The following PDE10A variants were observed in gnomAD, a reference collection of about 807,000 sequenced individuals.
PDE10A encodes cAMP and cAMP-inhibited cGMP 3',5'-cyclic phosphodiesterase 10A.
Under a neutral mutation model 97.7 loss-of-function variants are expected in PDE10A, and 39 were observed. That is an observed-to-expected ratio of 0.40 (90% CI 0.31 to 0.52). The LOEUF (loss-of-function observed/expected upper bound fraction) is 0.52, where lower values mean the gene tolerates loss of function less well. Among genes scored for constraint, PDE10A ranks in the 20% least tolerant of loss-of-function variants. The pLI, the probability that PDE10A is intolerant of heterozygous loss-of-function variation, is 0.56. For missense variants in PDE10A, 731 were observed against 1,047.8 expected, an observed-to-expected ratio of 0.70 and a Z score of 4.17; for synonymous variants, 371 against 376.8, an observed-to-expected ratio of 0.98 and a Z score of 0.18.
chr6:165,822,143 T>C (rs181314503), intron 1 of PDE10A, among the ~76,000 whole-genome samples: 5 of 152,340 alleles, frequency 3.3e-5, no homozygotes, highest in African/African-American at 1.2e-4. Flanking sequence ...CTGAGAAATG[T>C]GTCCTTTGGC....
At chr6:165,745,202 T>C (rs969051303) in intron 1 of PDE10A, among the ~76,000 whole-genome samples, 5 of 152,218 alleles carry the variant, frequency 3.3e-5, no homozygotes, top group Admixed American at 3.3e-4. Context: ...AGCTGCTTTA[T>C]GTGATGTGTC....
intron 2 of PDE10A, among the ~76,000 whole-genome samples, chr6:165,485,197 C>T (rs1463747645): frequency 2.0e-5 from 3 of 152,230 alleles, no homozygotes; most frequent in Admixed American, 1.3e-4. Context: ...CCTGGCTGGA[C>T]GCGGTGGCTC....
At chr6:165,503,759 T>G (rs1781034533) in intron 2 of PDE10A, among the ~76,000 whole-genome samples, 1 of 152,142 alleles carries the variant, frequency 6.6e-6, no homozygotes, top group Admixed American at 6.6e-5. Flanking sequence ...GTTTTAGATA[T>G]TTACCTAAGA....
At chr6:165,503,815 C>T (rs1388018759) in intron 2 of PDE10A, among the ~76,000 whole-genome samples, 1 of 148,684 alleles carries the variant, frequency 6.7e-6, no homozygotes, top group Non-Finnish European at 1.5e-5. Flanking sequence ...GAAATTAATG[C>T]AAAAAAAAAT....
Position 165,383,603 on chromosome 6 carries a change from G to A in PDE10A, c.2611-4237C>T, listed in dbSNP as rs181282835. ...CCACTCTGCATCTTCCCCTCCCCATGCTCTACCTTCACACTTCCACTTGTG... is the reference window on the plus strand; with the variant it reads ...CCACTCTGCATCTTCCCCTCCCCATACTCTACCTTCACACTTCCACTTGTG... On this transcript the variant is annotated intron_variant, in intron 17 of 21. Coordinates refer to ENST00000539869, the MANE Select transcript of PDE10A (RefSeq NM_001385079.1). Among the ~76,000 whole-genome samples the A allele has an allele frequency of 1.1e-4, 17 of 152,030 alleles. No individual in the cohort carries two copies. The East Asian group carries it at 2.7e-3, about 24-fold the overall frequency.
intron 21 of PDE10A, among the ~76,000 whole-genome samples, chr6:165,334,506 C>G (rs1170406740): frequency 6.6e-6 from 1 of 152,258 alleles, no homozygotes; most frequent in Non-Finnish European, 1.5e-5. Flanking sequence ...GCACTCATGA[C>G]CTGGCTTCCA....
intron 1 of PDE10A, among the ~76,000 whole-genome samples, chr6:165,685,064 A>T (rs967010229): frequency 6.6e-6 from 1 of 152,192 alleles, no homozygotes; most frequent in Non-Finnish European, 1.5e-5. Context: ...AAATAGACTT[A>T]AAAAATCGCT....
intron 1 of PDE10A, among the ~76,000 whole-genome samples, chr6:165,850,675 G>C (rs1780550259): frequency 6.6e-6 from 1 of 152,266 alleles, no homozygotes; most frequent in Admixed American, 6.5e-5. Context: ...GCAGCGCTCA[G>C]ACTTCCCTAA....
chr6:165,737,285 T>A (rs777292723), intron 1 of PDE10A, among the ~76,000 whole-genome samples: 25 of 152,234 alleles, frequency 1.6e-4, no homozygotes, highest in Non-Finnish European at 3.7e-4. Flanking sequence ...TCCAAACTCA[T>A]TTTATGAAGC....
At chr6:165,490,014 A>C (rs529896755) in intron 2 of PDE10A, among the ~76,000 whole-genome samples, 1 of 152,376 alleles carries the variant, frequency 6.6e-6, no homozygotes, top group Non-Finnish European at 1.5e-5. Context: ...AGTTTGGAAA[A>C]CATATTTGAG....
intron 9 of PDE10A, 64 bp from the exon 10 acceptor site, chr6:165,428,773 G>A: frequency 1.7e-6 from 1 of 600,630 alleles, no homozygotes; most frequent in East Asian, 3.1e-5. Context: ...ATTACACTTT[G>A]AATTCATTTC....
intron 19 of PDE10A, 92 bp downstream of exon 19, chr6:165,343,299 A>G: frequency 1.1e-6 from 1 of 879,228 alleles, no homozygotes; most frequent in Non-Finnish European, 1.9e-6. Context: ...TGAAATAACT[A>G]TCAACATGAA....
chr6:165,540,571 T>C (rs1211265791), intron 2 of PDE10A, among the ~76,000 whole-genome samples: 1 of 152,150 alleles, frequency 6.6e-6, no homozygotes, highest in African/African-American at 2.4e-5. Context: ...CCACAAAAAT[T>C]TTCTTCCTCA....
chr6:165,512,904 T>C (rs1304434233), intron 2 of PDE10A, among the ~76,000 whole-genome samples: 1 of 152,030 alleles, frequency 6.6e-6, no homozygotes, highest in Non-Finnish European at 1.5e-5. Context: ...TCATTGCATT[T>C]CCATAGTAAC....
intron 3 of PDE10A, among the ~76,000 whole-genome samples, chr6:165,458,447 C>T (rs74733836): frequency 0.1 from 15,285 of 152,116 alleles, 924 homozygotes; most frequent in Middle Eastern, 0.19. Flanking sequence ...GGAAGAGGGT[C>T]CTCAGCAGAC....
chr6:165,619,330 T>C (rs1367374168), intron 1 of PDE10A, among the ~76,000 whole-genome samples: 3 of 133,980 alleles, frequency 2.2e-5, no homozygotes, highest in African/African-American at 4.0e-5. Flanking sequence ...TGGTGTAGTG[T>C]AGTGTAGTGT....
At chr6:165,774,407 A>G (rs572669038) in intron 1 of PDE10A, among the ~76,000 whole-genome samples, 1 of 150,200 alleles carries the variant, frequency 6.7e-6, no homozygotes, top group African/African-American at 2.4e-5. Context: ...AAATGCATGA[A>G]AGTACTGAAT....
At chr6:165,955,834 G>A (rs1180928502) in intron 1 of PDE10A, among the ~76,000 whole-genome samples, 1 of 152,062 alleles carries the variant, frequency 6.6e-6, no homozygotes, top group East Asian at 1.9e-4. Flanking sequence ...CCTATATTTT[G>A]GAAGTATAAC....
chr6:165,503,075 G>A (rs1170772976), intron 2 of PDE10A, among the ~76,000 whole-genome samples: 1 of 152,192 alleles, frequency 6.6e-6, no homozygotes, highest in Middle Eastern at 3.4e-3. Flanking sequence ...TCGATGTGAC[G>A]CAAGCCCCAC....
Sources: gnomAD v4.1 joint callset for allele counts (sites outside exome capture counted in the v4.1 genomes callset) on GRCh38, gnomAD v4.1.1 for gene constraint, MANE v1.5 for transcripts, NCBI Gene and HGNC (gene_info 2026-07-23, HGNC 2026-07-21) for gene names.